The following NFRKB variants were observed in gnomAD, a reference collection of about 807,000 sequenced individuals.
NFRKB encodes nuclear factor related to kappaB binding protein.
In NFRKB, 62 loss-of-function variants were observed where a neutral mutation model predicts 135.7. That is an observed-to-expected ratio of 0.46 (90% CI 0.37 to 0.56). The LOEUF is 0.56. Ranked by LOEUF, NFRKB falls within the 20% of genes least tolerant of loss-of-function variation. The pLI, the probability that NFRKB is intolerant of heterozygous loss-of-function variation, is 0.00. For synonymous variants in NFRKB, 678 were observed against 635.6 expected (o/e 1.07, Z -1.00); for missense variants, 1,545 against 1,662.0 (o/e 0.93, Z 1.22).
intron 4 of NFRKB, 102 bp from the exon 5 acceptor site, chr11:129,886,546 A>G: frequency 1.8e-6 from 2 of 1,088,670 alleles, no homozygotes; most frequent in East Asian, 2.5e-5. Context: ...ACTCTGTACC[A>G]CAAAACTTAA....
chr11:129,888,431 AG>A, intron 4 of NFRKB, 162 bp downstream of exon 4: 1 of 761,756 alleles, frequency 1.3e-6, no homozygotes. Context: ...TTTGTTTTTT[AG>A]AACACAGCCT....
At position 129,885,608 on chromosome 11, in the gene NFRKB, T is replaced by C. The variant is rs768778930; in HGVS notation, c.467A>G (p.Asp156Gly). The change falls in exon 6 of 27, where the codon GAT (aspartate) becomes GGT (glycine). Residue 156 changes from aspartate to glycine, a missense_variant and splice_region_variant. Transcript: ENST00000682444. Reference protein sequence around the residue: ...LLKQILASRSDLLEMARRSGP... With the variant: ...LLKQILASRSGLLEMARRSGP... ...ACTCCGCCGGGCCATCTCCAGCAGA[T>C]CCTAGGTAGAGATCAGGTGGGGGTA... The C allele has an allele frequency of 4.4e-6, 7 of 1,606,468 alleles. No individual in the cohort carries two copies. The highest frequency in any genetic ancestry group is 1.1e-5 in the South Asian group (1 of 90,624).
intron 18 of NFRKB, 100 bp from the exon 19 acceptor site, chr11:129,875,016 T>C: frequency 6.9e-7 from 1 of 1,454,964 alleles, no homozygotes; most frequent in Non-Finnish European, 9.5e-7. Context: ...AAATCACAGC[T>C]GATGCAGATT....
At chr11:129,893,993 C>T (rs1949670792) in intron 2 of NFRKB, 2 of 152,212 alleles carry the variant, frequency 1.3e-5, no homozygotes, top group Non-Finnish European at 2.9e-5. Context: ...AAGTCAATGG[C>T]CAATCTGCCT....
chr11:129,881,826 ACTGCCAATCCAAAACTCGCTCCT>A lies in NFRKB; in HGVS notation c.1196_1218del (p.Glu399ValfsTer19). 2 of 1,611,672 alleles carry A rather than the reference ACTGCCAATCCAAAACTCGCTCCT, an allele frequency of 1.2e-6. No individual in the cohort carries two copies. Among genetic ancestry groups the A allele is most frequent in the Non-Finnish European group, 1.7e-6 (2 of 1,179,066 alleles). On this transcript the variant is annotated frameshift_variant, in exon 12 of 27. Transcript: ENST00000682444. LOFTEE classifies it high-confidence loss of function. ...CTGTTGAGGGAGCTGGCTGGCGATG[ACTGCCAATCCAAAACTCGCTCCT>A]CTAGCTGAGGGAAAGCAAAGGCAGA...
chr11:129,874,683 C>T lies in NFRKB; in HGVS notation c.1979-103G>A, dbSNP rs1948679527. On this transcript the variant is annotated intron_variant, in intron 19 of 26. Coordinates refer to ENST00000682444, the MANE Select transcript of NFRKB (RefSeq NM_001143835.2). This position sits in a 1 kb window ranked among gnomAD's most constrained non-coding sequence, Gnocchi z 4.5. ...ACCTTGCCAGTGGACTGAATCCTGCCTCTACCATCTTGTCCTACCTATATG... is the reference window on the plus strand; with the variant it reads ...ACCTTGCCAGTGGACTGAATCCTGCTTCTACCATCTTGTCCTACCTATATG... 2.5e-6 allele frequency: 4 copies of T among 1,602,862 alleles called. No homozygotes were observed. The highest frequency in any genetic ancestry group is 3.4e-6 in the Non-Finnish European group (4 of 1,171,972).
chr11:129,866,592 G>A (rs1428703415), intron 24 of NFRKB, among the ~76,000 whole-genome samples: 1 of 151,908 alleles, frequency 6.6e-6, no homozygotes, highest in East Asian at 1.9e-4. Flanking sequence ...ACTCAATCAA[G>A]TGAAAAGTCC....
At position 129,882,777 on chromosome 11, in the gene NFRKB, G is replaced by A. The variant is rs115311280; in HGVS notation, c.902-146C>T. The A allele has an allele frequency of 1.6e-3, 1,310 of 844,518 alleles. 8 individuals carry two copies. In the African/African-American group the frequency reaches 0.019, roughly 12 times the overall value. The allele number at this position is 844,518 out of a possible 1,614,324, so 52.3% of individuals were successfully genotyped here. A position where few individuals can be genotyped will look rare whatever the true frequency, so the allele number is the denominator to read the frequency against. Reference sequence around the variant, plus strand: ...CACTCAATGAAACCAAATTCATTGAGTGATTTATAGCTTTATTTTTTTTTG... The same window carrying A: ...CACTCAATGAAACCAAATTCATTGAATGATTTATAGCTTTATTTTTTTTTG... On this transcript the variant is annotated intron_variant, in intron 9 of 26. Coordinates refer to ENST00000682444, the MANE Select transcript of NFRKB (RefSeq NM_001143835.2).
In NFRKB at chr11:129,889,173, G is replaced by C. The variant is rs549551292; in HGVS notation, c.136-378C>G. Among the ~76,000 whole-genome samples the C allele has an allele frequency of 4.9e-4, 74 of 152,110 alleles. 2 individuals carry two copies. In the South Asian group the frequency reaches 0.015, roughly 31 times the overall value. On this transcript the variant is annotated intron_variant, in intron 3 of 26. Transcript: ENST00000682444. ...GATAGGGTTTCACCATGTTGACCAG[G>C]CTGGTCTCAAACTCCTGACCTGAGG...
Position 129,864,536 on chromosome 11 carries a change from T to G in NFRKB, c.*189A>C, listed in dbSNP as rs1948098395. The stretch of plus-strand genomic sequence containing the variant: ...AGACCTTGGAACCCTGGAGTGAACC[T>G]TTCTCAGGGTGCTCCACTATGGCAC... On this transcript the variant is annotated 3_prime_UTR_variant, in exon 27 of 27. Transcript: ENST00000682444. 3 of 667,044 alleles carry G rather than the reference T, an allele frequency of 4.5e-6. No individual in the cohort carries two copies. Among genetic ancestry groups the G allele is most frequent in the Non-Finnish European group, 5.0e-6 (2 of 401,514 alleles). 41.3% of individuals were successfully genotyped at this position (667,044 alleles called of 1,614,324 possible). A position where few individuals can be genotyped will look rare whatever the true frequency, so the allele number is the denominator to read the frequency against.
chr11:129,893,356 C>A, intron 2 of NFRKB: 3 of 421,006 alleles, frequency 7.1e-6, no homozygotes, highest in African/African-American at 2.2e-5. Context: ...AGTTTGAGAC[C>A]AGCCTAGCGA....
chr11:129,888,939 T>A, intron 3 of NFRKB, 144 bp from the exon 4 acceptor site: 1 of 609,186 alleles, frequency 1.6e-6, no homozygotes, highest in Non-Finnish European at 2.8e-6. Context: ...CTTAAGTGCA[T>A]TCACATTTGC....
intron 6 of NFRKB, 24 bp downstream of exon 6, chr11:129,885,411 C>A (rs747664645): frequency 2.5e-6 from 4 of 1,585,100 alleles, no homozygotes; most frequent in Admixed American, 3.4e-5. Context: ...ACCCCAGCTA[C>A]CCCAAGTGCC....
chr11:129,868,660 G>A (rs1486891488), intron 24 of NFRKB, among the ~76,000 whole-genome samples: 3 of 152,136 alleles, frequency 2.0e-5, no homozygotes, highest in Admixed American at 1.3e-4. Flanking sequence ...CCCTTCTACC[G>A]GTTACTACAC....
chr11:129,883,551 G>A (rs1949128887), intron 8 of NFRKB, among the ~76,000 whole-genome samples: 1 of 152,148 alleles, frequency 6.6e-6, no homozygotes, highest in South Asian at 2.1e-4. Context: ...ACAGTAACTA[G>A]AAAAGAGAGA....
In NFRKB at chr11:129,878,163, C is replaced by T. The variant is rs565670878; in HGVS notation, c.1511+146G>A. The T allele has an allele frequency of 6.7e-5, 52 of 780,420 alleles. No homozygotes were observed. In the Admixed American group the frequency reaches 9.7e-4, roughly 15 times the overall value. 48.3% of individuals were successfully genotyped at this position (780,420 alleles called of 1,614,324 possible). On this transcript the variant is annotated intron_variant, in intron 15 of 26. Coordinates refer to ENST00000682444, the MANE Select transcript of NFRKB (RefSeq NM_001143835.2). ...AGGAGTCCCGTTCACTCAGGGGGTG[C>T]GGCCAAGTCAGGAAGAACCAGGGGA...
intron 4 of NFRKB, among the ~76,000 whole-genome samples, chr11:129,887,770 G>A (rs1012702138): frequency 2.0e-5 from 3 of 152,228 alleles, no homozygotes; most frequent in African/African-American, 7.2e-5. Flanking sequence ...GGGTGCGGTG[G>A]CTCACGCCTG....
intron 7 of NFRKB, 115 bp from the exon 8 acceptor site, chr11:129,884,258 AG>A: frequency 2.8e-6 from 3 of 1,057,342 alleles, no homozygotes; most frequent in Non-Finnish European, 2.9e-6. Context: ...GTGAACTACA[AG>A]TACCAAAAAT....
At position 129,869,870 on chromosome 11, in the gene NFRKB, T is replaced by A; in HGVS notation, c.3155A>T (p.Glu1052Val). 6.2e-7 allele frequency: 1 copy of A among 1,614,230 alleles called. No homozygotes were observed. The highest frequency in any genetic ancestry group is 8.5e-7 in the Non-Finnish European group (1 of 1,180,038). The change falls in exon 24 of 27, where the codon GAA becomes GTA. Residue 1052 changes from glutamate to valine, a missense_variant. Glu to Val is a moderately radical substitution (Grantham distance 121, BLOSUM62 -2). Around this residue, in one of 3 missense-constraint regions of NFRKB, gnomAD observed 753 missense variants for 804.3 expected, o/e 0.94. Transcript: ENST00000682444. ...CAAGCGAAAAGCCGAACTTGAGGCT[T>A]CTGTTGGCTTGAGGTCAGGAGTCAC... ...VKVTPDLKPT[E>V]ASSSAFRLMP... is the part of the protein sequence containing the mutation.
Sources: allele counts gnomAD v4.1 joint callset (sites outside exome capture counted in the v4.1 genomes callset), GRCh38; gene constraint gnomAD v4.1.1; regional missense constraint gnomAD v4.1.1; non-coding constraint Gnocchi (gnomAD v3.1); transcripts MANE v1.5; gene names NCBI Gene and HGNC (gene_info 2026-07-23, HGNC 2026-07-21).